Variants in IRGM observed in about 807,000 individuals in gnomAD.
The protein encoded by IRGM is immunity related GTPase M, also known as immunity-related GTPase family M protein.
For synonymous variants in IRGM, 98 were observed against 80.6 expected (o/e 1.22, Z -1.16); for missense variants, 288 against 219.9 (o/e 1.31, Z -1.96).
At chr5:150,893,419 T>C (rs1160759324) in intron 3 of IRGM, among the ~76,000 whole-genome samples, 1 of 152,182 alleles carries the variant, frequency 6.6e-6, no homozygotes, top group Non-Finnish European at 1.5e-5. Context: ...TTTCTGTATA[T>C]CATTTTAGAA....
chr5:150,882,195 G>A (rs1184059320), intron 3 of IRGM, among the ~76,000 whole-genome samples: 1 of 150,762 alleles, frequency 6.6e-6, no homozygotes, highest in Non-Finnish European at 1.5e-5. Flanking sequence ...CTCCAGCTTG[G>A]GGGACAGAAT....
At chr5:150,882,362 C>T (rs115828275) in intron 3 of IRGM, among the ~76,000 whole-genome samples, 1,880 of 152,162 alleles carry the variant, frequency 0.012, 51 homozygotes, top group African/African-American at 0.043. Context: ...ATAGTACTAA[C>T]TTCTTACTTA....
In IRGM at chr5:150,862,326, T is replaced by C. The variant is rs75800268; in HGVS notation, c.158+13672T>C. Among the ~76,000 whole-genome samples, 1,238 of 152,338 alleles carry C rather than the reference T, an allele frequency of 8.1e-3. 12 individuals are homozygous for C. The highest frequency in any genetic ancestry group is 0.029 in the African/African-American group (1,190 of 41,580). On this transcript the variant is annotated intron_variant and NMD_transcript_variant, in intron 1 of 3. Transcript: ENST00000520549. Reference sequence around the variant, plus strand: ...CAGAGTGACACCCCATCACCTTTGCTATAGTCTGTTGGTTAGAAGCAGGCC... The same window carrying C: ...CAGAGTGACACCCCATCACCTTTGCCATAGTCTGTTGGTTAGAAGCAGGCC...
intron 3 of IRGM, among the ~76,000 whole-genome samples, chr5:150,887,793 C>T (rs146700457): frequency 6.6e-6 from 1 of 152,066 alleles, no homozygotes; most frequent in African/African-American, 2.4e-5. Context: ...ACCTGCCTCA[C>T]ATGAGGTCTT....
intron 1 of IRGM, among the ~76,000 whole-genome samples, chr5:150,862,667 T>C (rs910873138): frequency 2.6e-5 from 4 of 152,148 alleles, no homozygotes; most frequent in Non-Finnish European, 5.9e-5. Context: ...TCTAGGTATG[T>C]AAAAGAGGTA....
At chr5:150,896,605 G>A (rs1365871903) in intron 3 of IRGM, 5 of 1,613,346 alleles carry the variant, frequency 3.1e-6, no homozygotes, top group African/African-American at 1.3e-5. Context: ...CTCTGATCAG[G>A]TTTTTTTCTT....
intron 1 of IRGM, among the ~76,000 whole-genome samples, chr5:150,873,835 C>T (rs910228698): frequency 1.3e-5 from 2 of 152,288 alleles, no homozygotes; most frequent in Middle Eastern, 3.4e-3. Flanking sequence ...AATAGTAAAT[C>T]AAAAACAATA....
chr5:150,877,682 T>C (rs1463308672), intron 1 of IRGM, among the ~76,000 whole-genome samples: 2 of 152,130 alleles, frequency 1.3e-5, no homozygotes, highest in Non-Finnish European at 2.9e-5. Flanking sequence ...CAGGATCACA[T>C]AGGTTTTAAG....
downstream of IRGM, chr5:150,900,745 T>G (rs1754968211): frequency 6.6e-6 from 1 of 152,076 alleles, no homozygotes; most frequent in Non-Finnish European, 1.5e-5. Context: ...AACACTGTTT[T>G]GTGTATTAGT....
At chr5:150,899,411 AT>A (rs953565736) in intron 3 of IRGM, among the ~76,000 whole-genome samples, 17 of 150,934 alleles carry the variant, frequency 1.1e-4, no homozygotes, top group East Asian at 6.0e-4. Context: ...TTGTAAGTAC[AT>A]TTTTTTTTAA....
intron 1 of IRGM, among the ~76,000 whole-genome samples, chr5:150,876,992 G>A (rs571407595): frequency 4.7e-4 from 71 of 152,106 alleles, no homozygotes; most frequent in African/African-American, 1.6e-3. Context: ...TAGCATTTAA[G>A]CGTTGTTAAT....
intron 1 of IRGM, among the ~76,000 whole-genome samples, chr5:150,860,018 C>G (rs1339243337): frequency 6.6e-6 from 1 of 152,062 alleles, no homozygotes; most frequent in East Asian, 1.9e-4. Flanking sequence ...ATTTCATTGC[C>G]CAATATGGCT....
chr5:150,884,490 C>T (rs771577488), intron 3 of IRGM, among the ~76,000 whole-genome samples: 1 of 152,090 alleles, frequency 6.6e-6, no homozygotes, highest in African/African-American at 2.4e-5. Context: ...TTTGAAGAAT[C>T]ACCATACTGC....
At chr5:150,849,744 C>A (rs569416825), downstream of IRGM, among the ~76,000 whole-genome samples, 1 of 151,530 alleles carries the variant, frequency 6.6e-6, no homozygotes, top group Non-Finnish European at 1.5e-5. Context: ...GTAGCTGAGA[C>A]AACAGGTGCA....
chr5:150,874,419 A>G (rs1402616510), intron 1 of IRGM, among the ~76,000 whole-genome samples: 1 of 152,186 alleles, frequency 6.6e-6, no homozygotes, highest in Non-Finnish European at 1.5e-5. Context: ...ACCTCAGTAA[A>G]AGTTCTAGGA....
chr5:150,879,505 G>C (rs567392546), intron 2 of IRGM: 2 of 152,292 alleles, frequency 1.3e-5, no homozygotes, highest in South Asian at 4.1e-4. Flanking sequence ...CAAGTACTTA[G>C]TCTGGCCAGG....
intron 1 of IRGM, among the ~76,000 whole-genome samples, chr5:150,859,575 T>C (rs1754107115): frequency 1.3e-5 from 2 of 152,196 alleles, no homozygotes; most frequent in Admixed American, 6.5e-5. Context: ...TTTTGGTTGG[T>C]AAGCTATTGA....
At chr5:150,851,276 G>A (rs951471466), downstream of IRGM, among the ~76,000 whole-genome samples, 3 of 152,236 alleles carry the variant, frequency 2.0e-5, no homozygotes, top group East Asian at 5.8e-4. Flanking sequence ...TCAGATAATG[G>A]CAGAGAATGC....
chr5:150,853,335 G>A (rs961040210), downstream of IRGM, among the ~76,000 whole-genome samples: 6 of 152,022 alleles, frequency 3.9e-5, no homozygotes, highest in African/African-American at 1.4e-4. Context: ...CACTTGTTTT[G>A]TGGCCTAATG....
Sources: allele counts gnomAD v4.1 joint callset (sites outside exome capture counted in the v4.1 genomes callset), GRCh38; gene constraint gnomAD v4.1.1; transcripts MANE v1.5; gene names NCBI Gene and HGNC (gene_info 2026-07-23, HGNC 2026-07-21).